The following IL1RAPL1 variants were observed in gnomAD, a reference collection of about 807,000 sequenced individuals.
IL1RAPL1 encodes interleukin-1 receptor accessory protein-like 1.
In IL1RAPL1, 3 loss-of-function variants were observed where a neutral mutation model predicts 48.4. That is an observed-to-expected ratio of 0.06 (90% CI 0.03 to 0.16). The LOEUF (loss-of-function observed/expected upper bound fraction) is 0.16. Ranked by LOEUF, IL1RAPL1 falls within the 10% of genes least tolerant of loss-of-function variation. IL1RAPL1 has a pLI of 1.00. For missense variants in IL1RAPL1, 349 were observed against 530.6 expected (o/e 0.66, Z 3.36); for synonymous variants, 185 against 187.7 (o/e 0.99, Z 0.12).
chrX:29,138,768 C>A (rs1447446634), intron 2 of IL1RAPL1, among the ~76,000 whole-genome samples: 1 of 89,268 alleles, frequency 1.1e-5, no homozygotes, highest in African/African-American at 4.4e-5. Flanking sequence ...CAGAGCGAGA[C>A]TCCATCTAAA....
chrX:29,521,995 A>C (rs73219659), intron 5 of IL1RAPL1, among the ~76,000 whole-genome samples: 1 of 111,463 alleles, frequency 9.0e-6, no homozygotes, highest in Non-Finnish European at 1.9e-5. Flanking sequence ...GCAAGAAGGA[A>C]GTGGCCAAGC....
intron 5 of IL1RAPL1, among the ~76,000 whole-genome samples, chrX:29,565,927 C>T (rs1366698429): frequency 9.1e-6 from 1 of 110,414 alleles, no homozygotes; most frequent in Non-Finnish European, 1.9e-5. Flanking sequence ...ATGTATGTTT[C>T]AATATGTGGG....
chrX:28,724,643 G>C (rs973711652), intron 1 of IL1RAPL1, among the ~76,000 whole-genome samples: 4 of 110,983 alleles, frequency 3.6e-5, no homozygotes, highest in Non-Finnish European at 7.5e-5. Context: ...TCATTATGAT[G>C]TTATCTGGTT....
chrX:29,198,738 A>C (rs930726917), intron 2 of IL1RAPL1, among the ~76,000 whole-genome samples: 1 of 111,710 alleles, frequency 9.0e-6, no homozygotes, highest in Non-Finnish European at 1.9e-5. Context: ...TATTGCATCA[A>C]AATTACCTGG....
At chrX:29,158,329 A>G (rs1342359015) in intron 2 of IL1RAPL1, among the ~76,000 whole-genome samples, 2 of 112,233 alleles carry the variant, frequency 1.8e-5, no homozygotes, top group Non-Finnish European at 3.8e-5. Flanking sequence ...TATGTTGGCC[A>G]GTATTAATCT....
chrX:28,962,335 A>G (rs932956096), intron 2 of IL1RAPL1, among the ~76,000 whole-genome samples: 3 of 112,040 alleles, frequency 2.7e-5, no homozygotes, highest in Non-Finnish European at 3.8e-5. Flanking sequence ...TTGGCTTAAA[A>G]TTCAAACTAC....
chrX:29,941,544 A>T, intron 8 of IL1RAPL1, 107 bp from the exon 9 acceptor site: 1 of 825,361 alleles, frequency 1.2e-6, no homozygotes, highest in Non-Finnish European at 1.8e-6. Context: ...TCAACCCGTT[A>T]ACCCACATCT....
At chrX:29,912,104 A>ATGAC (rs778592916) in intron 6 of IL1RAPL1, among the ~76,000 whole-genome samples, 10 of 111,776 alleles carry the variant, frequency 8.9e-5, no homozygotes, top group African/African-American at 2.9e-4. Flanking sequence ...TTAATTTTCA[A>ATGAC]TGACTGTGCT....
At chrX:28,649,494 G>T (rs1406195567) in intron 1 of IL1RAPL1, among the ~76,000 whole-genome samples, 1 of 112,513 alleles carries the variant, frequency 8.9e-6, no homozygotes. Context: ...TTCCTGTAAG[G>T]TTTCTCAGAT....
At chrX:29,705,954 A>C in intron 6 of IL1RAPL1, among the ~76,000 whole-genome samples, 1 of 112,630 alleles carries the variant, frequency 8.9e-6, no homozygotes, top group Non-Finnish European at 1.9e-5. Flanking sequence ...CAATTTACAA[A>C]AGCAAAAGAT....
At chrX:29,732,665 AT>A (rs765214960) in intron 6 of IL1RAPL1, among the ~76,000 whole-genome samples, 70 of 111,714 alleles carry the variant, frequency 6.3e-4, no homozygotes, top group Non-Finnish European at 1.2e-3. Flanking sequence ...TTCTGCAAGG[AT>A]TTTGTCAGTG....
At chrX:28,781,696 A>G (rs1026377858) in intron 1 of IL1RAPL1, among the ~76,000 whole-genome samples, 1 of 111,106 alleles carries the variant, frequency 9.0e-6, no homozygotes, top group Non-Finnish European at 1.9e-5. Flanking sequence ...GTGTGGACAC[A>G]AGGGAGTGGA....
chrX:29,488,727 A>G (rs917109908), intron 5 of IL1RAPL1, among the ~76,000 whole-genome samples: 1 of 111,067 alleles, frequency 9.0e-6, no homozygotes, highest in East Asian at 2.8e-4. Flanking sequence ...ACATATAACT[A>G]TGAGAGGTGG....
At chrX:29,019,985 G>A (rs1038018130) in intron 2 of IL1RAPL1, among the ~76,000 whole-genome samples, 8 of 112,249 alleles carry the variant, frequency 7.1e-5, no homozygotes, top group Non-Finnish European at 1.3e-4. Flanking sequence ...ATGAGTTCAG[G>A]TGTCATCACC....
chrX:29,610,744 A>G (rs890055172), intron 5 of IL1RAPL1, among the ~76,000 whole-genome samples: 4 of 112,539 alleles, frequency 3.6e-5, no homozygotes. Context: ...CAAACCCCTT[A>G]CGGGATGGGG....
At chrX:28,930,342 G>C (rs1204580673) in intron 2 of IL1RAPL1, among the ~76,000 whole-genome samples, 1 of 112,017 alleles carries the variant, frequency 8.9e-6, no homozygotes, top group Non-Finnish European at 1.9e-5. Context: ...TTTTTTTAAA[G>C]TATTGAGAAA....
chrX:29,318,612 A>G (rs376850356), intron 3 of IL1RAPL1, among the ~76,000 whole-genome samples: 1 of 112,723 alleles, frequency 8.9e-6, no homozygotes, highest in Non-Finnish European at 1.9e-5. Flanking sequence ...AAAGATGCCT[A>G]TGCAACTTGT....
intron 5 of IL1RAPL1, among the ~76,000 whole-genome samples, chrX:29,412,457 AT>A (rs1372316756): frequency 8.9e-6 from 1 of 112,005 alleles, no homozygotes; most frequent in East Asian, 2.8e-4. Flanking sequence ...TATGTGCTGG[AT>A]TTTAAAGACT....
chrX:29,729,827 G>A (rs1279432487), intron 6 of IL1RAPL1, among the ~76,000 whole-genome samples: 1 of 111,538 alleles, frequency 9.0e-6, no homozygotes, highest in Non-Finnish European at 1.9e-5. Context: ...TGTCACCTAT[G>A]ACCTGTCTCT....
Sources: allele counts gnomAD v4.1 joint callset (sites outside exome capture counted in the v4.1 genomes callset), GRCh38; gene constraint gnomAD v4.1.1; transcripts MANE v1.5; gene names NCBI Gene and HGNC (gene_info 2026-07-23, HGNC 2026-07-21).